Variants in PLXND1 observed in about 807,000 individuals in gnomAD.
PLXND1 encodes plexin-D1.
A neutral mutation model predicts 197.7 loss-of-function variants in PLXND1; 54 were observed. The observed-to-expected ratio is 0.27, with a 90% CI of 0.22 to 0.34. The LOEUF is 0.34. PLXND1 is among the 10% of genes least tolerant of loss of function. The pLI is 1.00. For synonymous variants in PLXND1, 1,180 were observed against 1,161.2 expected, an observed-to-expected ratio of 1.02 and a Z score of -0.33; for missense variants, 2,127 against 2,699.2, an observed-to-expected ratio of 0.79 and a Z score of 4.70.
At chr3:129,578,257 G>T in intron 9 of PLXND1, 72 bp downstream of exon 9, 1 of 887,502 alleles carries the variant, frequency 1.1e-6, no homozygotes, top group East Asian at 2.6e-5. Flanking sequence ...CAGGACATGG[G>T]GGCAGTTAGT....
At chr3:129,562,171 C>T (rs2085071352) in intron 27 of PLXND1, among the ~76,000 whole-genome samples, 1 of 152,104 alleles carries the variant, frequency 6.6e-6, no homozygotes, top group African/African-American at 2.4e-5. Context: ...CAAGGCTGTT[C>T]ATGTTACAAT....
At position 129,606,486 on chromosome 3, in the gene PLXND1, G is replaced by A; in HGVS notation, c.154C>T (p.Arg52Trp). The change falls in exon 1 of 36, where the codon CGG (arginine) becomes TGG (tryptophan). Residue 52 changes from arginine to tryptophan, a missense_variant. Physicochemically the swap from Arg to Trp is moderately radical, Grantham distance 101. Coordinates refer to ENST00000324093, the MANE Select transcript of PLXND1 (RefSeq NM_015103.3). Reference protein sequence around the residue: ...ARAGALEIQRRFPSPTPTNNF... With the variant: ...ARAGALEIQRWFPSPTPTNNF... The stretch of plus-strand genomic sequence containing the variant: ...TTGGTGGGCGTGGGCGAGGGGAACC[G>A]ACGCTGGATCTCCAGGGCGCCGGCC... 7.0e-7 allele frequency: 1 copy of A among 1,425,810 alleles called. No homozygotes were observed. Among genetic ancestry groups the A allele is most frequent in the East Asian group, 2.8e-5 (1 of 35,822 alleles). The allele number at this position is 1,425,810 out of a possible 1,614,324, so 88.3% of individuals were successfully genotyped here. A position where few individuals can be genotyped will look rare whatever the true frequency, so the allele number is the denominator to read the frequency against.
chr3:129,604,164 G>A (rs1403216292), intron 1 of PLXND1, among the ~76,000 whole-genome samples: 2 of 151,982 alleles, frequency 1.3e-5, no homozygotes, highest in South Asian at 2.1e-4. Context: ...TCAGACACCT[G>A]GGCCCCATGC....
intron 2 of PLXND1, 44 bp downstream of exon 2, chr3:129,589,307 G>GCCGGCCCCCCCCCCCCCCCCCCCCCCCC: frequency 2.9e-6 from 2 of 684,688 alleles, no homozygotes; most frequent in Non-Finnish European, 5.1e-6. Flanking sequence ...TCCCAGGGGA[G>GCCGGCCCCCCCCCCCCCCCCCCCCCCCC]CCTCCCACCC....
Position 129,582,384 on chromosome 3 carries a change from C to A in PLXND1, c.2241+1183G>T, listed in dbSNP as rs116450841. On this transcript the variant is annotated intron_variant, in intron 8 of 35. Coordinates refer to ENST00000324093, the MANE Select transcript of PLXND1 (RefSeq NM_015103.3). ...CCCGGGATGTGTGCCCAGAAAGGGG[C>A]CCCAGTGACCTTCTGCAGGGAGCCA... Among the ~76,000 whole-genome samples the A allele has an allele frequency of 6.2e-3, 939 of 152,362 alleles. 3 individuals are homozygous for A. The highest frequency in any genetic ancestry group is 0.027 in the Middle Eastern group (8 of 294).
At chr3:129,560,015 G>T (rs2085034196) in intron 31 of PLXND1, among the ~76,000 whole-genome samples, 1 of 152,258 alleles carries the variant, frequency 6.6e-6, no homozygotes, top group South Asian at 2.1e-4. Context: ...AGTATGGGCT[G>T]TGGGGTGCCG....
intron 1 of PLXND1, among the ~76,000 whole-genome samples, chr3:129,600,109 T>C (rs1472185307): frequency 6.6e-6 from 1 of 152,232 alleles, no homozygotes; most frequent in Non-Finnish European, 1.5e-5. Flanking sequence ...AGTGCTGCCC[T>C]GGACTCCTCA....
Position 129,559,602 on chromosome 3 carries a change from G to A in PLXND1, c.5297+18C>T, listed in dbSNP as rs769704397. ...CCCAGTGGCACAGTGAAGTCCACAC[G>A]GCCCCCCCACCCGCCACCTGTTGGT... On this transcript the variant is annotated intron_variant, in intron 32 of 35. Coordinates refer to ENST00000324093, the MANE Select transcript of PLXND1 (RefSeq NM_015103.3). 1.1e-5 allele frequency: 17 copies of A among 1,563,882 alleles called. No homozygotes were observed. The highest frequency in any genetic ancestry group is 7.1e-5 in the African/African-American group (5 of 70,328).
At position 129,569,862 on chromosome 3, in the gene PLXND1, C is replaced by T. The variant is rs758414645; in HGVS notation, c.3846G>A (p.Leu1282=). The change falls in exon 20 of 36, where the codon CTG becomes CTA. Residue 1282 remains leucine, a synonymous_variant. Coordinates refer to ENST00000324093, the MANE Select transcript of PLXND1 (RefSeq NM_015103.3). ...CCTTACCCACCACGGAGAGCAGCAG[C>T]AGGACGCTGCAGATGACGATGGACA... is the stretch of plus-strand genomic sequence containing the variant. ...IIVSIVICSV[L]LLLSVVALFV... The T allele has an allele frequency of 1.9e-6, 3 of 1,605,152 alleles. No individual in the cohort carries two copies. The South Asian group carries it at 3.3e-5, about 18-fold the overall frequency.
At chr3:129,562,134 G>A (rs995971859) in intron 27 of PLXND1, among the ~76,000 whole-genome samples, 6 of 152,142 alleles carry the variant, frequency 3.9e-5, no homozygotes, top group African/African-American at 1.4e-4. Context: ...GGGCACAGAG[G>A]AGGAGCTCTG....
At position 129,556,334 on chromosome 3, in the gene PLXND1, T is replaced by G. The variant is rs1253724057; in HGVS notation, c.5756A>C (p.Tyr1919Ser). 6.2e-7 allele frequency: 1 copy of G among 1,612,850 alleles called. No individual in the cohort carries two copies. The highest frequency in any genetic ancestry group is 8.5e-7 in the Non-Finnish European group (1 of 1,178,762). The change falls in exon 36 of 36, where the codon TAC becomes TCC. Residue 1919 changes from tyrosine (Y) to serine (S), a missense_variant. Physicochemically the swap from Tyr to Ser is moderately radical, Grantham distance 144. Around this residue, in one of 6 missense-constraint regions of PLXND1, gnomAD observed 200 missense variants for 303.3 expected, o/e 0.66. Coordinates refer to ENST00000324093, the MANE Select transcript of PLXND1 (RefSeq NM_015103.3). ...GTCTCAGGCCTCACTGTAGCACTCGTAGATGTTGTCCTCCATCAAAGCCAC... is the reference window on the plus strand; with the variant it reads ...GTCTCAGGCCTCACTGTAGCACTCGGAGATGTTGTCCTCCATCAAAGCCAC... ...QVVALMEDNI[Y>S]ECYSEA
At chr3:129,564,340 T>C (rs930526623) in intron 25 of PLXND1, among the ~76,000 whole-genome samples, 1 of 152,216 alleles carries the variant, frequency 6.6e-6, no homozygotes, top group Non-Finnish European at 1.5e-5. Flanking sequence ...GTGCCAAAGA[T>C]TGGACTCAAG....
chr3:129,586,875 A>G (rs969857243), intron 2 of PLXND1, among the ~76,000 whole-genome samples, 156 bp from the exon 3 acceptor site: 6 of 152,182 alleles, frequency 3.9e-5, no homozygotes, highest in Non-Finnish European at 7.4e-5. Context: ...GGGAGGGCAC[A>G]GGGCCGGGCC....
At chr3:129,586,952 G>C (rs867869477) in intron 2 of PLXND1, among the ~76,000 whole-genome samples, 1 of 152,192 alleles carries the variant, frequency 6.6e-6, no homozygotes, top group African/African-American at 2.4e-5. Context: ...AAGGCATCCC[G>C]CCCTGTGAAC....
chr3:129,575,698 G>GT, intron 10 of PLXND1, 68 bp downstream of exon 10: 1 of 1,272,512 alleles, frequency 7.9e-7, no homozygotes, highest in Non-Finnish European at 1.1e-6. Flanking sequence ...GCAGGGTGGG[G>GT]TGAGGGGTAC....
chr3:129,573,891 C>A, intron 12 of PLXND1, 146 bp from the exon 13 acceptor site: 1 of 871,286 alleles, frequency 1.1e-6, no homozygotes, highest in Non-Finnish European at 1.7e-6. Context: ...GGGGCTGGGA[C>A]TGTGGCCACT....
At position 129,575,802 on chromosome 3, in the gene PLXND1, C is replaced by G. The variant is rs1311776782; in HGVS notation, c.2400G>C (p.Trp800Cys). ...CACAGCGTACAACAGACTCATTCAC[C>G]CACACAGCCTCGAAGATCTCCTCCA... The part of the protein sequence containing the change: ...FGLEEIFEAV[W>C]VNESVVRCDQ... The change falls in exon 10 of 36, where the codon TGG becomes TGC. Residue 800 changes from tryptophan to cysteine, a missense_variant. Trp to Cys is a radical substitution (Grantham distance 215). Around this residue, in one of 6 missense-constraint regions of PLXND1, gnomAD observed 1,095 missense variants for 1,259.8 expected, o/e 0.87. Transcript: ENST00000324093. 1 of 1,613,656 alleles carries G rather than the reference C, an allele frequency of 6.2e-7. No individual in the cohort carries two copies. The highest frequency in any genetic ancestry group is 8.5e-7 in the Non-Finnish European group (1 of 1,179,658).
chr3:129,567,547 T>C lies in PLXND1; in HGVS notation c.4031A>G (p.Gln1344Arg). 1.2e-6 allele frequency: 2 copies of C among 1,612,246 alleles called. No homozygotes were observed. Among genetic ancestry groups the C allele is most frequent in the Non-Finnish European group, 1.7e-6 (2 of 1,179,028 alleles). The part of the protein sequence containing the change: ...TDLTKELNRS[Q>R]GIPFLEYKHF... ...CTTATACTCCAGGAAGGGGATGCCCTGGCTGCGGTTCAGCTCCTTGGTGAG... is the reference window on the plus strand; with the variant it reads ...CTTATACTCCAGGAAGGGGATGCCCCGGCTGCGGTTCAGCTCCTTGGTGAG... The change falls in exon 22 of 36, where the codon CAG becomes CGG. Residue 1344 changes from glutamine (Q) to arginine (R), a missense_variant. Transcript: ENST00000324093.
At chr3:129,571,998 A>G (rs1188269532) in intron 15 of PLXND1, 154 bp from the exon 16 acceptor site, 37 of 696,544 alleles carry the variant, frequency 5.3e-5, no homozygotes, top group Non-Finnish European at 8.1e-5. Flanking sequence ...GTTAGTGCCC[A>G]GCTGTTTCCT....
Sources: allele counts gnomAD v4.1 joint callset (sites outside exome capture counted in the v4.1 genomes callset), GRCh38; gene constraint gnomAD v4.1.1; regional missense constraint gnomAD v4.1.1; transcripts MANE v1.5; gene names NCBI Gene and HGNC (gene_info 2026-07-23, HGNC 2026-07-21).